The following CLRN3 variants were observed in gnomAD, a reference collection of about 807,000 sequenced individuals.
The protein encoded by CLRN3 is clarin 3, also known as clarin-3.
A neutral mutation model predicts 16.7 loss-of-function variants in CLRN3; 12 were observed. The ratio of observed to expected loss-of-function variants is 0.72; its 90% CI spans 0.46 to 1.16. The LOEUF is 1.16. CLRN3 is among the 50% of genes most tolerant of loss of function. CLRN3 has a pLI of 0.00. For synonymous variants in CLRN3, 118 were observed against 113.0 expected, an observed-to-expected ratio of 1.04 and a Z score of -0.28; for missense variants, 296 against 274.2, an observed-to-expected ratio of 1.08 and a Z score of -0.56.
chr10:127,882,899 G>A (rs536404808), intron 2 of CLRN3, among the ~76,000 whole-genome samples: 1 of 152,268 alleles, frequency 6.6e-6, no homozygotes, highest in South Asian at 2.1e-4. Flanking sequence ...GGAGCAAAAG[G>A]CCCTGAAGGC....
intron 2 of CLRN3, among the ~76,000 whole-genome samples, chr10:127,879,282 A>T (rs1385735343): frequency 6.6e-6 from 1 of 151,914 alleles, no homozygotes; most frequent in Non-Finnish European, 1.5e-5. Flanking sequence ...CTAATTTTTT[A>T]TGGAGACCGG....
At chr10:127,888,202 A>G (rs1184074007) in intron 1 of CLRN3, among the ~76,000 whole-genome samples, 1 of 152,214 alleles carries the variant, frequency 6.6e-6, no homozygotes, top group Non-Finnish European at 1.5e-5. Flanking sequence ...GGCAGCTCCC[A>G]GTGCCCATGG....
chr10:127,886,923 G>A lies in CLRN3; in HGVS notation c.230-3048C>T, dbSNP rs568483550. ...AGGGCTCTAGCGGGACCTGGGTCAC[G>A]CCAGCCACTGCCTGTTGCCTGGGCA... On this transcript the variant is annotated intron_variant, in intron 1 of 2. Transcript: ENST00000368671. 2.5e-4 allele frequency among the ~76,000 whole-genome samples: 38 copies of A among 152,300 alleles called. 1 individual carries two copies. The highest frequency in any genetic ancestry group is 4.1e-4 in the South Asian group (2 of 4,828).
rs544646116 is a variant in CLRN3 at position 127,880,155 on chromosome 10, A to G, written c.410-1735T>C. Among the ~76,000 whole-genome samples, 21 of 152,342 alleles carry G rather than the reference A, an allele frequency of 1.4e-4. No individual in the cohort carries two copies. In the South Asian group the frequency reaches 3.7e-3, roughly 27 times the overall value. ...AAGCCCTGACCCTCTGAAGCTCTCC[A>G]GGTGCCTCACAGCCTTAATTATCTT... On this transcript the variant is annotated intron_variant, in intron 2 of 2. Transcript: ENST00000368671.
intron 1 of CLRN3, among the ~76,000 whole-genome samples, chr10:127,890,371 G>A (rs1051124871): frequency 1.3e-5 from 2 of 152,116 alleles, no homozygotes; most frequent in East Asian, 1.9e-4. Context: ...TCTGAAGGAC[G>A]ATTTTCCCCA....
chr10:127,887,178 G>A (rs763278174), intron 1 of CLRN3, among the ~76,000 whole-genome samples: 1 of 152,214 alleles, frequency 6.6e-6, no homozygotes, highest in Non-Finnish European at 1.5e-5. Flanking sequence ...TCTACAGCAC[G>A]TAGGACACAC....
chr10:127,883,799 G>A lies in CLRN3; in HGVS notation c.306C>T (p.Ile102=). Residue 102 remains isoleucine (I), a synonymous_variant, in exon 2 of 3, where the codon ATC becomes ATT. Transcript: ENST00000368671. ...TAAACCCAGAGCTCAGCAGCGACGT[G>A]ATCAAACTCAGGACCAGGAACAGGA... ...VTILFLVLSL[I]TSLLSSGFTF... 6.2e-7 allele frequency: 1 copy of A among 1,614,146 alleles called. No individual in the cohort carries two copies. The highest frequency in any genetic ancestry group is 1.1e-5 in the South Asian group (1 of 91,074).
chr10:127,879,776 G>C (rs1310369324), intron 2 of CLRN3, among the ~76,000 whole-genome samples: 1 of 152,178 alleles, frequency 6.6e-6, no homozygotes. Context: ...TGTGACTCAT[G>C]TGTCAATAAA....
intron 1 of CLRN3, among the ~76,000 whole-genome samples, chr10:127,886,596 G>A (rs1386585608): frequency 6.6e-6 from 1 of 152,232 alleles, no homozygotes; most frequent in Non-Finnish European, 1.5e-5. Context: ...AGAGAAAAGG[G>A]CAGGAGGAGG....
chr10:127,881,730 T>A (rs995464997), intron 2 of CLRN3, among the ~76,000 whole-genome samples: 6 of 152,210 alleles, frequency 3.9e-5, no homozygotes, highest in African/African-American at 1.4e-4. Flanking sequence ...TTCTCTGAAT[T>A]TGGAGGAAAT....
At position 127,878,236 on chromosome 10, in the gene CLRN3, G is replaced by T. The variant is rs189068703; in HGVS notation, c.594C>A (p.Ile198=). 1.2e-5 allele frequency: 19 copies of T among 1,614,208 alleles called. No individual in the cohort carries two copies. The Admixed American group carries it at 1.5e-4, about 13-fold the overall frequency. The change falls in exon 3 of 3, where the codon ATC becomes ATA. Residue 198 remains isoleucine, a synonymous_variant. Transcript: ENST00000368671. Reference sequence around the variant, plus strand: ...GGTATCTGGCCTTCTGGTAGAAAATGATGATGGTTACAGTGACTATATTTA... The same window carrying T: ...GGTATCTGGCCTTCTGGTAGAAAATTATGATGGTTACAGTGACTATATTTA... ...ILLNIVTVTI[I]IFYQKARYQR... is the part of the protein sequence containing the mutation.
chr10:127,885,761 A>AT lies in CLRN3; in HGVS notation c.230-1887dup, dbSNP rs552388368. On this transcript the variant is annotated intron_variant, in intron 1 of 2. Transcript: ENST00000368671. ...CGACCACGCTCAGCTAATTTTTAAA[A>AT]TTTTTTTTTTTGAGTTGGAGTTTCA... Among the ~76,000 whole-genome samples, 892 of 148,864 alleles carry AT rather than the reference A, an allele frequency of 6.0e-3. 5 individuals are homozygous for AT. The highest frequency in any genetic ancestry group is 0.02 in the African/African-American group (804 of 40,742).
chr10:127,884,806 A>T (rs927462387), intron 1 of CLRN3, among the ~76,000 whole-genome samples: 12 of 152,190 alleles, frequency 7.9e-5, no homozygotes, highest in African/African-American at 2.7e-4. Flanking sequence ...ACAGGGCTGC[A>T]CTTACATGTA....
intron 2 of CLRN3, among the ~76,000 whole-genome samples, chr10:127,879,593 C>T (rs1319955323): frequency 6.6e-6 from 1 of 151,570 alleles, no homozygotes; most frequent in Admixed American, 6.6e-5. Context: ...TTAGGGCTTT[C>T]GCGGTTGCCT....
chr10:127,881,854 G>A (rs1249213000), intron 2 of CLRN3, among the ~76,000 whole-genome samples: 2 of 152,202 alleles, frequency 1.3e-5, no homozygotes, highest in Non-Finnish European at 1.5e-5. Context: ...TGGAGTCAAC[G>A]CTGAGGATTT....
intron 1 of CLRN3, among the ~76,000 whole-genome samples, chr10:127,888,133 T>C (rs997629321): frequency 1.1e-4 from 16 of 152,216 alleles, no homozygotes; most frequent in African/African-American, 3.9e-4. Context: ...TGTGAGTGGA[T>C]GGGTGGGAAT....
intron 1 of CLRN3, among the ~76,000 whole-genome samples, chr10:127,891,537 T>C (rs1845257997): frequency 6.6e-6 from 1 of 152,222 alleles, no homozygotes; most frequent in African/African-American, 2.4e-5. Context: ...GCTATGGCAA[T>C]GCTAGGGGAG....
chr10:127,886,012 A>G (rs1845189802), intron 1 of CLRN3, among the ~76,000 whole-genome samples: 1 of 151,918 alleles, frequency 6.6e-6, no homozygotes, highest in South Asian at 2.1e-4. Flanking sequence ...GCCTTGGCCT[A>G]CCAAAGTGCT....
At chr10:127,886,188 A>G (rs1191693812) in intron 1 of CLRN3, among the ~76,000 whole-genome samples, 1 of 152,252 alleles carries the variant, frequency 6.6e-6, no homozygotes, top group African/African-American at 2.4e-5. Context: ...ATAGCCAGAT[A>G]GACGTGGGGC....
Sources: gnomAD v4.1 joint callset for allele counts (sites outside exome capture counted in the v4.1 genomes callset) on GRCh38, gnomAD v4.1.1 for gene constraint, MANE v1.5 for transcripts, NCBI Gene and HGNC (gene_info 2026-07-23, HGNC 2026-07-21) for gene names.